Variants in PREP observed in about 807,000 individuals in gnomAD.
The protein encoded by PREP is dJ355L5.1 (prolyl endopeptidase).
A neutral mutation model predicts 87.6 loss-of-function variants in PREP; 29 were observed. The observed-to-expected ratio is 0.33, with a 90% CI of 0.25 to 0.45. The LOEUF (loss-of-function observed/expected upper bound fraction) is 0.45. Ranked by LOEUF, PREP falls within the 20% of genes least tolerant of loss-of-function variation. PREP has a pLI of 1.00. For missense variants in PREP, 695 were observed against 886.5 expected, an observed-to-expected ratio of 0.78 and a Z score of 2.74; for synonymous variants, 337 against 328.6, an observed-to-expected ratio of 1.03 and a Z score of -0.28.
At chr6:105,336,181 A>G (rs1333203710) in intron 7 of PREP, among the ~76,000 whole-genome samples, 1 of 152,206 alleles carries the variant, frequency 6.6e-6, no homozygotes, top group Non-Finnish European at 1.5e-5. Flanking sequence ...AATTGCTTGA[A>G]TCCAGGAGAT....
intron 5 of PREP, 74 bp downstream of exon 5, chr6:105,373,295 A>G: frequency 1.4e-6 from 2 of 1,470,834 alleles, no homozygotes; most frequent in Non-Finnish European, 1.9e-6. Context: ...TGTAGGGTTC[A>G]GCATCTCTTT....
chr6:105,344,007 C>G (rs1412582754), intron 7 of PREP, among the ~76,000 whole-genome samples: 4 of 152,174 alleles, frequency 2.6e-5, no homozygotes, highest in East Asian at 3.9e-4. Flanking sequence ...TTGACCCAGC[C>G]ATCCCATTAC....
intron 10 of PREP, among the ~76,000 whole-genome samples, chr6:105,309,603 T>C (rs1770720103): frequency 6.6e-6 from 1 of 152,188 alleles, no homozygotes; most frequent in Non-Finnish European, 1.5e-5. Context: ...TTTTATTTTT[T>C]AGTTGAAACT....
intron 9 of PREP, among the ~76,000 whole-genome samples, chr6:105,325,202 A>C (rs1177649818): frequency 6.6e-6 from 1 of 152,132 alleles, no homozygotes; most frequent in Non-Finnish European, 1.5e-5. Context: ...AATCCTTGAA[A>C]AAAAGTATAA....
intron 2 of PREP, among the ~76,000 whole-genome samples, chr6:105,386,987 C>T (rs1352155048): frequency 5.9e-5 from 9 of 152,202 alleles, no homozygotes; most frequent in East Asian, 3.9e-4. Flanking sequence ...CCAAGGTGGG[C>T]GGATCACTTG....
chr6:105,354,935 A>G (rs59570355), intron 6 of PREP, among the ~76,000 whole-genome samples: 30,571 of 152,102 alleles, frequency 0.2, 6,008 homozygotes, highest in African/African-American at 0.52. Context: ...TTTTCTAGGT[A>G]TTAAAGGTAC....
intron 2 of PREP, among the ~76,000 whole-genome samples, chr6:105,392,273 C>T (rs950227672): frequency 6.6e-6 from 1 of 151,986 alleles, no homozygotes; most frequent in Admixed American, 6.6e-5. Flanking sequence ...CTCCTGACCT[C>T]GTGATCCGCC....
intron 5 of PREP, 116 bp from the exon 6 acceptor site, chr6:105,369,140 G>T: frequency 9.7e-7 from 1 of 1,029,398 alleles, no homozygotes; most frequent in Non-Finnish European, 1.4e-6. Flanking sequence ...AGGATACAAG[G>T]TTAACATACA....
Position 105,278,237 on chromosome 6 carries a change from G to C in PREP, c.2040C>G (p.His680Gln). 1.2e-6 allele frequency: 2 copies of C among 1,614,208 alleles called. No homozygotes were observed. Among genetic ancestry groups the C allele is most frequent in the Non-Finnish European group, 1.7e-6 (2 of 1,180,048 alleles). Residue 680 changes from histidine (H) to glutamine (Q), a missense_variant, in exon 15 of 15, where the codon CAC becomes CAG. Coordinates refer to ENST00000652536, the MANE Select transcript of PREP (RefSeq NM_002726.5). This position sits in a 1 kb window ranked among gnomAD's most constrained non-coding sequence, Gnocchi z 4.2. ...CTTTGGCTGTGGGCTTCCCCGCCCC[G>C]TGGCCCGCCTTGGTGTCCACGTGGA... ...LLIHVDTKAG[H>Q]GAGKPTAKVI...
At chr6:105,374,838 T>C (rs1002556699) in intron 4 of PREP, among the ~76,000 whole-genome samples, 1 of 152,036 alleles carries the variant, frequency 6.6e-6, no homozygotes, top group Non-Finnish European at 1.5e-5. Flanking sequence ...CAATGACTGT[T>C]TGAGGCAGGT....
intron 3 of PREP, 144 bp downstream of exon 3, chr6:105,377,242 T>C: frequency 1.1e-6 from 1 of 951,038 alleles, no homozygotes; most frequent in Non-Finnish European, 1.5e-6. Flanking sequence ...ATCAAAAATA[T>C]TACTCTCATA....
intron 2 of PREP, among the ~76,000 whole-genome samples, chr6:105,394,981 T>C (rs553215301): frequency 9.9e-5 from 15 of 152,274 alleles, no homozygotes; most frequent in East Asian, 1.9e-4. Flanking sequence ...TAGTGAAAAG[T>C]TGAAAACAAT....
intron 10 of PREP, among the ~76,000 whole-genome samples, chr6:105,293,965 TG>T (rs1770355215): frequency 2.6e-5 from 4 of 152,332 alleles, no homozygotes; most frequent in East Asian, 3.9e-4. Context: ...TGTATTTTCA[TG>T]GGTACAAAGA....
chr6:105,385,268 T>C (rs1238732171), intron 2 of PREP, among the ~76,000 whole-genome samples: 1 of 145,386 alleles, frequency 6.9e-6, no homozygotes, highest in African/African-American at 2.6e-5. Context: ...AAACTTAGAC[T>C]TCCTAGATCT....
rs750130925 is a variant in PREP at position 105,328,933 on chromosome 6, G to A, written c.1109C>T (p.Ala370Val). ...ILQLHDLTTG[A>V]LLKTFPLDVG... ...ATCGAGCGGGAAGGTCTTAAGGAGA[G>A]CACCAGTAGTCAGGTCATGGAGCTG... Residue 370 changes from alanine (A) to valine (V), a missense_variant, in exon 9 of 15, where the codon GCT becomes GTT. Physicochemically the swap from Ala to Val is moderately conservative, Grantham distance 64. Coordinates refer to ENST00000652536, the MANE Select transcript of PREP (RefSeq NM_002726.5). 1.9e-6 allele frequency: 3 copies of A among 1,614,032 alleles called. No individual in the cohort carries two copies. In the Admixed American group the frequency reaches 5.0e-5, roughly 27 times the overall value.
At chr6:105,297,173 G>A (rs140330930) in intron 10 of PREP, among the ~76,000 whole-genome samples, 102 of 152,216 alleles carry the variant, frequency 6.7e-4, no homozygotes, top group African/African-American at 2.5e-3. Context: ...CTTGTGCCAA[G>A]GCCCCCTACA....
chr6:105,338,209 AT>A (rs1228156973), intron 7 of PREP, among the ~76,000 whole-genome samples: 1 of 152,226 alleles, frequency 6.6e-6, no homozygotes, highest in East Asian at 1.9e-4. Context: ...GCATTTCCTG[AT>A]GTGAAACCTT....
chr6:105,346,048 A>G (rs1771788239), intron 7 of PREP, among the ~76,000 whole-genome samples: 1 of 151,916 alleles, frequency 6.6e-6, no homozygotes, highest in Admixed American at 6.6e-5. Flanking sequence ...TCTTGTTTTT[A>G]TACTGTCTTT....
chr6:105,344,655 G>C (rs112592610), intron 7 of PREP, among the ~76,000 whole-genome samples: 8,429 of 149,624 alleles, frequency 0.056, 269 homozygotes, highest in Middle Eastern at 0.096. Context: ...ACAGGATGGG[G>C]AACATCACAC....
Sources: gnomAD v4.1 joint callset for allele counts (sites outside exome capture counted in the v4.1 genomes callset) on GRCh38, gnomAD v4.1.1 for gene constraint, Gnocchi (gnomAD v3.1) non-coding constraint, MANE v1.5 for transcripts, NCBI Gene and HGNC (gene_info 2026-07-23, HGNC 2026-07-21) for gene names.